Variants in EPHB1 observed in about 807,000 individuals in gnomAD.
EPHB1 encodes the protein EPH receptor B1, also known as ephrin type-B receptor 1.
In EPHB1, 30 loss-of-function variants were observed where a neutral mutation model predicts 94.4. That is an observed-to-expected ratio of 0.32 (90% confidence interval 0.24 to 0.43). The LOEUF (loss-of-function observed/expected upper bound fraction) is 0.43. Ranked by LOEUF, EPHB1 falls within the 20% of genes least tolerant of loss-of-function variation. The pLI is 1.00. For missense variants in EPHB1, 1,055 were observed against 1,308.3 expected (o/e 0.81, Z 2.99); for synonymous variants, 522 against 489.1 (o/e 1.07, Z -0.89).
chr3:135,031,162 A>G (rs1460881980), intron 3 of EPHB1, among the ~76,000 whole-genome samples: 2 of 152,162 alleles, frequency 1.3e-5, no homozygotes, highest in Non-Finnish European at 1.5e-5. Context: ...CCTCAGATGG[A>G]AATGCAGAAA....
At chr3:134,980,170 G>A (rs1934350902) in intron 3 of EPHB1, among the ~76,000 whole-genome samples, 1 of 152,108 alleles carries the variant, frequency 6.6e-6, no homozygotes, top group Non-Finnish European at 1.5e-5. Context: ...CATGGTACCT[G>A]GACTGAGATG....
Position 134,795,582 on chromosome 3 carries a change from C to T in EPHB1, c.-50C>T, listed in dbSNP as rs1180041817. The T allele has an allele frequency of 3.2e-6, 5 of 1,583,130 alleles. No homozygotes were observed. The South Asian group carries it at 3.4e-5, about 11-fold the overall frequency. ...CGGCGCCCTGGGACGCGGCGCTCTC[C>T]CGGCGCTGCTGCCTCGGCTTGGTCT... On this transcript the variant is annotated 5_prime_UTR_variant, in exon 1 of 16. Coordinates refer to ENST00000398015, the MANE Select transcript of EPHB1 (RefSeq NM_004441.5).
chr3:135,231,444 T>C (rs747126142), intron 12 of EPHB1, among the ~76,000 whole-genome samples: 2 of 152,166 alleles, frequency 1.3e-5, no homozygotes, highest in Non-Finnish European at 2.9e-5. Context: ...ATCATCCACA[T>C]ATTTTTAGTT....
chr3:135,060,189 G>A (rs1576353704), intron 3 of EPHB1, among the ~76,000 whole-genome samples: 2 of 152,284 alleles, frequency 1.3e-5, no homozygotes. Context: ...GACATTTCCA[G>A]CTCCCCTCAG....
intron 6 of EPHB1, among the ~76,000 whole-genome samples, chr3:135,154,669 A>C (rs899732807): frequency 2.6e-5 from 4 of 152,226 alleles, no homozygotes; most frequent in African/African-American, 9.6e-5. Context: ...GTGTACCTCC[A>C]AAATAAATTT....
intron 1 of EPHB1, among the ~76,000 whole-genome samples, chr3:134,815,116 A>G (rs978033822): frequency 2.0e-5 from 3 of 152,244 alleles, no homozygotes; most frequent in African/African-American, 7.2e-5. Flanking sequence ...CCCTATACTA[A>G]GAAATTGCTT....
Position 135,071,864 on chromosome 3 carries a change from T to C in EPHB1, c.806-34584T>C, listed in dbSNP as rs559811445. Among the ~76,000 whole-genome samples, 94 of 152,282 alleles carry C rather than the reference T, an allele frequency of 6.2e-4. 1 individual carries two copies. Among genetic ancestry groups the C allele is most frequent in the African/African-American group, 2.2e-3 (91 of 41,558 alleles). ...TTTTTCACTTTGATTGCTCCCAACT[T>C]TTTACCATCTCAATAAATATCACCA... is the stretch of plus-strand genomic sequence containing the variant. On this transcript the variant is annotated intron_variant, in intron 3 of 15. Transcript: ENST00000398015.
intron 3 of EPHB1, among the ~76,000 whole-genome samples, chr3:135,005,338 G>T (rs1026883433): frequency 2.6e-5 from 4 of 152,318 alleles, no homozygotes; most frequent in African/African-American, 9.6e-5. Flanking sequence ...GCTGCGTGCT[G>T]GGAGAACCAC....
chr3:135,049,142 G>A (rs886147421), intron 3 of EPHB1, among the ~76,000 whole-genome samples: 1 of 152,226 alleles, frequency 6.6e-6, no homozygotes, highest in Non-Finnish European at 1.5e-5. Context: ...AGGTGAGTTA[G>A]AGAGATGCCT....
At chr3:134,916,623 C>T (rs991728363) in intron 1 of EPHB1, among the ~76,000 whole-genome samples, 18 of 152,326 alleles carry the variant, frequency 1.2e-4, no homozygotes, top group South Asian at 2.1e-4. Flanking sequence ...CCTCACTGCC[C>T]GGGGCTGGCG....
At chr3:135,116,526 G>T (rs547904250) in intron 4 of EPHB1, among the ~76,000 whole-genome samples, 1 of 152,182 alleles carries the variant, frequency 6.6e-6, no homozygotes, top group African/African-American at 2.4e-5. Flanking sequence ...TCTGAGCTGT[G>T]TCTCACTCCT....
chr3:135,241,541 C>T (rs1011316432), intron 13 of EPHB1, among the ~76,000 whole-genome samples: 15 of 152,170 alleles, frequency 9.9e-5, no homozygotes, highest in African/African-American at 3.6e-4. Flanking sequence ...GTCTCCAACC[C>T]AAGAGACAAT....
chr3:135,161,900 A>G, intron 6 of EPHB1, 118 bp from the exon 7 acceptor site: 1 of 1,131,322 alleles, frequency 8.8e-7, no homozygotes, highest in Admixed American at 2.7e-5. Context: ...GCTGATGACA[A>G]CTGCTAGCAG....
intron 12 of EPHB1, among the ~76,000 whole-genome samples, chr3:135,209,698 A>G (rs1942988302): frequency 6.6e-6 from 1 of 152,204 alleles, no homozygotes; most frequent in Non-Finnish European, 1.5e-5. Context: ...TTGGGCTGGA[A>G]TAGGGTGCCT....
chr3:134,843,828 T>C (rs2036819406), intron 1 of EPHB1, among the ~76,000 whole-genome samples: 1 of 152,204 alleles, frequency 6.6e-6, no homozygotes, highest in South Asian at 2.1e-4. Flanking sequence ...TTTATTTAGG[T>C]TTTTGAGCAT....
chr3:134,982,419 T>C lies in EPHB1; in HGVS notation c.805+30367T>C, dbSNP rs78912454. 6.6e-3 allele frequency among the ~76,000 whole-genome samples: 1,002 copies of C among 152,316 alleles called. 9 individuals carry two copies. The highest frequency in any genetic ancestry group is 0.023 in the African/African-American group (950 of 41,564). ...AGGAGCTGATTCTTTTCACATGGAA[T>C]GCAAATCTTGCCAGTGAGGTGGTGT... is the stretch of plus-strand genomic sequence containing the variant. On this transcript the variant is annotated intron_variant, in intron 3 of 15. Transcript: ENST00000398015.
intron 8 of EPHB1, 130 bp from the exon 9 acceptor site, chr3:135,166,812 G>C (rs879869819): frequency 1.2e-6 from 1 of 863,166 alleles, no homozygotes; most frequent in Non-Finnish European, 1.9e-6. Context: ...TGAAGTGAGA[G>C]TTGCCCAGTC....
At chr3:134,988,476 G>A (rs1452776409) in intron 3 of EPHB1, among the ~76,000 whole-genome samples, 1 of 152,146 alleles carries the variant, frequency 6.6e-6, no homozygotes, top group Non-Finnish European at 1.5e-5. Context: ...CAGAACTAAT[G>A]ACTGTTGGGT....
At chr3:135,123,703 G>T (rs1940076717) in intron 4 of EPHB1, among the ~76,000 whole-genome samples, 1 of 151,958 alleles carries the variant, frequency 6.6e-6, no homozygotes, top group Admixed American at 6.5e-5. Flanking sequence ...TTATTGTTAA[G>T]TTGGGGATAA....
Sources: gnomAD v4.1 joint callset for allele counts (sites outside exome capture counted in the v4.1 genomes callset) on GRCh38, gnomAD v4.1.1 for gene constraint, MANE v1.5 for transcripts, NCBI Gene and HGNC (gene_info 2026-07-23, HGNC 2026-07-21) for gene names.